Variants in DNAH7 observed in about 807,000 individuals in gnomAD.
DNAH7 encodes dynein axonemal heavy chain 7, also known as axonemal beta dynein heavy chain 7.
A neutral mutation model predicts 444.6 loss-of-function variants in DNAH7; 397 were observed. That is an observed-to-expected ratio of 0.89 (90% confidence interval 0.82 to 0.97). The LOEUF is 0.97. DNAH7 is among the 50% of genes least tolerant of loss of function. The pLI, the probability that DNAH7 is intolerant of heterozygous loss-of-function variation, is 0.00. For missense variants in DNAH7, 4,902 were observed against 4,800.8 expected (o/e 1.02, Z -0.62); for synonymous variants, 1,636 against 1,624.4 (o/e 1.01, Z -0.17).
chr2:195,995,878 CT>C (rs1009480258), intron 12 of DNAH7, among the ~76,000 whole-genome samples: 1 of 152,130 alleles, frequency 6.6e-6, no homozygotes, highest in African/African-American at 2.4e-5. Flanking sequence ...TATTCAGGGT[CT>C]TTTGTGATTT....
chr2:196,061,461 C>T (rs1477466641), intron 1 of DNAH7, among the ~76,000 whole-genome samples: 1 of 152,094 alleles, frequency 6.6e-6, no homozygotes, highest in Admixed American at 6.5e-5. Flanking sequence ...TCCCACAAAC[C>T]CTACCAGAAC....
chr2:195,815,946 T>C (rs1464702069), intron 51 of DNAH7, among the ~76,000 whole-genome samples: 2 of 152,168 alleles, frequency 1.3e-5, no homozygotes, highest in South Asian at 2.1e-4. Context: ...GAGCCGAGAT[T>C]GCGCCACTGC....
At chr2:195,821,627 T>C (rs534581008) in intron 49 of DNAH7, among the ~76,000 whole-genome samples, 7 of 152,250 alleles carry the variant, frequency 4.6e-5, no homozygotes, top group African/African-American at 1.7e-4. Flanking sequence ...TGAAGGTTGT[T>C]TGACCGAAGA....
intron 15 of DNAH7, among the ~76,000 whole-genome samples, chr2:195,981,317 C>T (rs565514394): frequency 6.6e-6 from 1 of 151,748 alleles, no homozygotes; most frequent in East Asian, 1.9e-4. Context: ...AATTATAACA[C>T]AATGATGAAA....
At chr2:195,895,466 G>A (rs1336325222) in intron 29 of DNAH7, among the ~76,000 whole-genome samples, 1 of 152,080 alleles carries the variant, frequency 6.6e-6, no homozygotes, top group Non-Finnish European at 1.5e-5. Context: ...GTTTGAGACA[G>A]GGTCTGGCTC....
intron 19 of DNAH7, among the ~76,000 whole-genome samples, chr2:195,949,781 T>C (rs1690091847): frequency 6.6e-6 from 1 of 152,230 alleles, no homozygotes; most frequent in Non-Finnish European, 1.5e-5. Context: ...GTTCCATAAA[T>C]ACCTAGTTTA....
chr2:196,026,691 A>G, intron 7 of DNAH7, 69 bp downstream of exon 7: 1 of 1,099,768 alleles, frequency 9.1e-7, no homozygotes, highest in South Asian at 1.6e-5. Context: ...TATAGGTATT[A>G]TTAATACAAA....
chr2:195,986,405 TTC>T (rs1395623138), intron 14 of DNAH7, among the ~76,000 whole-genome samples: 2 of 152,224 alleles, frequency 1.3e-5, no homozygotes, highest in African/African-American at 4.8e-5. Context: ...ATCTGTTTTT[TTC>T]TCTGATACCA....
At chr2:195,896,763 G>C (rs1396905756) in intron 29 of DNAH7, among the ~76,000 whole-genome samples, 1 of 152,126 alleles carries the variant, frequency 6.6e-6, no homozygotes, top group Non-Finnish European at 1.5e-5. Flanking sequence ...GAGAAAATCT[G>C]AACTCTTTCC....
intron 31 of DNAH7, among the ~76,000 whole-genome samples, chr2:195,889,649 A>C (rs1183698647): frequency 6.6e-6 from 1 of 152,168 alleles, no homozygotes; most frequent in Non-Finnish European, 1.5e-5. Context: ...AAATATATTA[A>C]CATGTTTTAG....
chr2:195,909,966 T>C (rs1475312639), intron 25 of DNAH7, 61 bp downstream of exon 25: 17 of 1,463,836 alleles, frequency 1.2e-5, no homozygotes, highest in Non-Finnish European at 1.6e-5. Context: ...TTATGTTGCA[T>C]CATAAATAAC....
At chr2:196,057,816 A>C (rs1398568805) in intron 2 of DNAH7, among the ~76,000 whole-genome samples, 4 of 152,212 alleles carry the variant, frequency 2.6e-5, no homozygotes, top group Non-Finnish European at 5.9e-5. Flanking sequence ...TATTCTGTAA[A>C]ATCTAACCTG....
chr2:195,762,055 G>T (rs548960164), intron 61 of DNAH7, among the ~76,000 whole-genome samples: 1 of 152,164 alleles, frequency 6.6e-6, no homozygotes, highest in African/African-American at 2.4e-5. Flanking sequence ...AGTATAATAG[G>T]ATATAAATAG....
chr2:195,938,994 C>T (rs992844703), intron 19 of DNAH7, among the ~76,000 whole-genome samples: 2 of 152,164 alleles, frequency 1.3e-5, no homozygotes, highest in African/African-American at 4.8e-5. Context: ...CTCTATTCCC[C>T]ACTACCTGTG....
Position 196,005,914 on chromosome 2 carries a change from AACACAC to A in DNAH7, c.990-4062_990-4057del, listed in dbSNP as rs3052597. ...ACTATAATACCAACTACAAAGACAT[AACACAC>A]ACACACACACACACAAAAACTACAG... is the stretch of plus-strand genomic sequence containing the variant. On this transcript the variant is annotated intron_variant, in intron 10 of 64. Coordinates refer to ENST00000312428, the MANE Select transcript of DNAH7 (RefSeq NM_018897.3). Among the ~76,000 whole-genome samples, 6 of 150,104 alleles carry A rather than the reference AACACAC, an allele frequency of 4.0e-5. No individual in the cohort carries two copies. The South Asian group carries it at 8.4e-4, about 21-fold the overall frequency.
intron 25 of DNAH7, among the ~76,000 whole-genome samples, chr2:195,907,525 T>G (rs1241112071): frequency 1.3e-5 from 2 of 152,106 alleles, no homozygotes; most frequent in African/African-American, 2.4e-5. Context: ...CAAGCATGAG[T>G]AGTTTCATCT....
intron 47 of DNAH7, among the ~76,000 whole-genome samples, chr2:195,835,938 T>G (rs1206531857): frequency 6.6e-6 from 1 of 152,226 alleles, no homozygotes; most frequent in Non-Finnish European, 1.5e-5. Flanking sequence ...CTTGTGTCAC[T>G]CTGGCTGCCA....
At chr2:195,806,280 A>C (rs573594393) in intron 54 of DNAH7, among the ~76,000 whole-genome samples, 2 of 152,200 alleles carry the variant, frequency 1.3e-5, no homozygotes, top group Non-Finnish European at 2.9e-5. Context: ...AAAAGTAACA[A>C]TATTGACATT....
chr2:195,946,112 G>A (rs1689785717), intron 19 of DNAH7, among the ~76,000 whole-genome samples: 1 of 152,094 alleles, frequency 6.6e-6, no homozygotes, highest in African/African-American at 2.4e-5. Flanking sequence ...AAGATGGTGT[G>A]GTGGAATGGC....
Sources: allele counts gnomAD v4.1 joint callset (sites outside exome capture counted in the v4.1 genomes callset), GRCh38; gene constraint gnomAD v4.1.1; transcripts MANE v1.5; gene names NCBI Gene and HGNC (gene_info 2026-07-23, HGNC 2026-07-21).